The following ARB2A variants were observed in gnomAD, a reference collection of about 807,000 sequenced individuals.
The protein encoded by ARB2A is ARB2 cotranscriptional regulator A, also known as cotranscriptional regulator ARB2A.
chr5:93,958,684 T>G, the ARB2A span: 11 of 851,700 alleles, frequency 1.3e-5, no homozygotes, highest in Non-Finnish European at 1.8e-5. Context: ...GATAAGATTA[T>G]GCTTAGGATA....
chr5:94,000,189 C>T, the ARB2A span, among the ~76,000 whole-genome samples: 51 of 152,150 alleles, frequency 3.4e-4, 1 homozygote, highest in African/African-American at 8.4e-4. Flanking sequence ...CCAAAAAGTG[C>T]GATTGCTAGA....
chr5:93,928,798 G>C, the ARB2A span, among the ~76,000 whole-genome samples: 2 of 151,942 alleles, frequency 1.3e-5, no homozygotes, highest in Non-Finnish European at 2.9e-5. Flanking sequence ...AGGGAGTTTT[G>C]TATTAATTAT....
chr5:93,771,606 C>T, the ARB2A span, among the ~76,000 whole-genome samples: 2 of 152,282 alleles, frequency 1.3e-5, no homozygotes, highest in Admixed American at 6.5e-5. Context: ...AACAAACTTA[C>T]AAGAGAAAAA....
chr5:93,906,761 C>T, the ARB2A span, among the ~76,000 whole-genome samples: 1 of 151,366 alleles, frequency 6.6e-6, no homozygotes, highest in Non-Finnish European at 1.5e-5. Context: ...CTGCTAACCC[C>T]AAAAAGACTC....
the ARB2A span, among the ~76,000 whole-genome samples, chr5:93,874,734 G>A: frequency 1.3e-5 from 2 of 152,022 alleles, no homozygotes; most frequent in Admixed American, 1.3e-4. Context: ...CTGAAACAGG[G>A]GCAGTCTTGT....
chr5:93,763,791 G>T, the ARB2A span, among the ~76,000 whole-genome samples: 2 of 152,054 alleles, frequency 1.3e-5, 1 homozygote, highest in African/African-American at 4.8e-5. Flanking sequence ...TCACCACACA[G>T]TTGGAAGTAA....
the ARB2A span, chr5:93,781,890 A>T: frequency 1.0e-6 from 1 of 985,394 alleles, no homozygotes. Flanking sequence ...CATGCTTAAG[A>T]CAACAGCCCT....
At chr5:93,818,627 A>G in the ARB2A span, among the ~76,000 whole-genome samples, 97 of 152,176 alleles carry the variant, frequency 6.4e-4, no homozygotes, top group Admixed American at 9.2e-4. Context: ...TTATGATGAT[A>G]ATTTAGTTAT....
At chr5:93,847,934 G>C in the ARB2A span, among the ~76,000 whole-genome samples, 2 of 152,080 alleles carry the variant, frequency 1.3e-5, no homozygotes, top group Non-Finnish European at 2.9e-5. Context: ...TTCACACAAA[G>C]GCCTGCGGTT....
chr5:93,947,515 TTA>T, the ARB2A span, among the ~76,000 whole-genome samples: 4 of 151,556 alleles, frequency 2.6e-5, no homozygotes, highest in South Asian at 2.1e-4. Context: ...CTTCTTTTTA[TTA>T]TTATTATTAT....
At chr5:93,762,528 C>A in the ARB2A span, among the ~76,000 whole-genome samples, 1 of 152,122 alleles carries the variant, frequency 6.6e-6, no homozygotes, top group Non-Finnish European at 1.5e-5. Flanking sequence ...ATGAACAAAG[C>A]CTCCAAGAAA....
At chr5:93,889,670 G>A in the ARB2A span, among the ~76,000 whole-genome samples, 1 of 151,738 alleles carries the variant, frequency 6.6e-6, no homozygotes, top group Admixed American at 6.6e-5. Flanking sequence ...CAGATTTAGA[G>A]ACAGATTAAT....
chr5:93,998,039 A>C, the ARB2A span, among the ~76,000 whole-genome samples: 1 of 151,880 alleles, frequency 6.6e-6, no homozygotes, highest in Non-Finnish European at 1.5e-5. Flanking sequence ...ATGTGGATGC[A>C]TGAGTGTATC....
chr5:93,974,370 A>G, the ARB2A span, among the ~76,000 whole-genome samples: 15 of 152,206 alleles, frequency 9.9e-5, no homozygotes, highest in African/African-American at 3.1e-4. Flanking sequence ...AAGGACAAAA[A>G]GTAATATTAC....
the ARB2A span, among the ~76,000 whole-genome samples, chr5:93,956,301 C>T: frequency 4.6e-5 from 7 of 152,158 alleles, no homozygotes; most frequent in Non-Finnish European, 1.5e-5. Flanking sequence ...CAATATTCAC[C>T]ATGTCCTCCT....
chr5:94,087,005 T>C, the ARB2A span, among the ~76,000 whole-genome samples: 1 of 152,206 alleles, frequency 6.6e-6, no homozygotes, highest in Non-Finnish European at 1.5e-5. Context: ...CAGCTCCATA[T>C]GCGTTGCTGG....
the ARB2A span, among the ~76,000 whole-genome samples, chr5:94,020,562 T>G: frequency 6.6e-6 from 1 of 152,206 alleles, no homozygotes; most frequent in Non-Finnish European, 1.5e-5. Context: ...AACAGGCTAC[T>G]AAGGATAAAT....
chr5:93,916,100 T>C, the ARB2A span, among the ~76,000 whole-genome samples: 1 of 152,230 alleles, frequency 6.6e-6, no homozygotes, highest in East Asian at 1.9e-4. Flanking sequence ...GTCTTCACTA[T>C]AGGTAATGAC....
At chr5:93,665,611 T>C in the ARB2A span, among the ~76,000 whole-genome samples, 3 of 152,312 alleles carry the variant, frequency 2.0e-5, no homozygotes, top group African/African-American at 7.2e-5. Flanking sequence ...TGTGAGCTGA[T>C]AAAACAAACA....
Sources: allele counts gnomAD v4.1 joint callset (sites outside exome capture counted in the v4.1 genomes callset), GRCh38; gene constraint gnomAD v4.1.1; transcripts MANE v1.5; gene names NCBI Gene and HGNC (gene_info 2026-07-23, HGNC 2026-07-21).